Variants in TNFRSF25 observed in about 807,000 individuals in gnomAD.
TNFRSF25 encodes tumor necrosis factor receptor superfamily member 25.
Under a neutral mutation model 49.4 loss-of-function variants are expected in TNFRSF25, and 28 were observed. The observed-to-expected ratio is 0.57, with a 90% CI of 0.42 to 0.78. The LOEUF (loss-of-function observed/expected upper bound fraction) is 0.78. Among genes scored for constraint, TNFRSF25 ranks in the 30% least tolerant of loss-of-function variants. TNFRSF25 has a pLI of 0.00. For synonymous variants in TNFRSF25, 240 were observed against 234.2 expected, an observed-to-expected ratio of 1.02 and a Z score of -0.23; for missense variants, 531 against 581.6, an observed-to-expected ratio of 0.91 and a Z score of 0.90.
intron 4 of TNFRSF25, 42 bp from the exon 5 acceptor site, chr1:6,464,495 G>C (rs745742824): frequency 1.9e-6 from 3 of 1,612,410 alleles, no homozygotes; most frequent in Admixed American, 1.7e-5. Context: ...GGACAGGAGT[G>C]GGTCAGGCAG....
At chr1:6,464,267 C>T in intron 5 of TNFRSF25, 108 bp downstream of exon 5, 2 of 1,525,876 alleles carry the variant, frequency 1.3e-6, no homozygotes, top group Non-Finnish European at 1.8e-6. Flanking sequence ...AGGCTCCCTC[C>T]TCCCTATCCC....
chr1:6,465,349 C>T, intron 2 of TNFRSF25, 91 bp downstream of exon 2: 1 of 1,584,766 alleles, frequency 6.3e-7, no homozygotes, highest in Non-Finnish European at 8.6e-7. Flanking sequence ...ACCCCTACCT[C>T]CCCTGCCAGC....
chr1:6,464,228 T>C, intron 5 of TNFRSF25, 147 bp downstream of exon 5: 1 of 1,485,794 alleles, frequency 6.7e-7, no homozygotes, highest in Non-Finnish European at 9.0e-7. Context: ...TAAGTTTGCC[T>C]GAAGTGGGGC....
At position 6,462,537 on chromosome 1, in the gene TNFRSF25, G is replaced by A; in HGVS notation, c.744+92C>T. 1 of 1,559,998 alleles carries A rather than the reference G, an allele frequency of 6.4e-7. No individual in the cohort carries two copies. ...CACCTCTGTCCACTAGGGCTACCCG[G>A]TGCTGGCCGCGTGCCAAGCTCCAGG... On this transcript the variant is annotated intron_variant, in intron 8 of 9. Coordinates refer to ENST00000356876, the MANE Select transcript of TNFRSF25 (RefSeq NM_003790.3). The surrounding 1 kb of genome is among the most constrained non-coding windows in gnomAD (Gnocchi z 4.2).
At chr1:6,463,258 C>T (rs1027010586) in intron 5 of TNFRSF25, 131 bp from the exon 6 acceptor site, 24 of 859,886 alleles carry the variant, frequency 2.8e-5, no homozygotes, top group African/African-American at 1.0e-4. Context: ...CAAGAATGTT[C>T]CTGTCATTGT....
rs748441942 is a variant in TNFRSF25, at chr1:6,462,824, C to T, written c.706+39G>A. On this transcript the variant is annotated intron_variant, in intron 7 of 9. Coordinates refer to ENST00000356876, the MANE Select transcript of TNFRSF25 (RefSeq NM_003790.3). This position sits in a 1 kb window ranked among gnomAD's most constrained non-coding sequence, Gnocchi z 4.2. ...TAGACTCTGGGCTACCCATCCTGAC[C>T]CCAGGCTTCTGGGTGCGTGTGTGGG... The T allele has an allele frequency of 6.3e-7, 1 of 1,580,092 alleles. No homozygotes were observed. Among genetic ancestry groups the T allele is most frequent in the African/African-American group, 1.3e-5 (1 of 74,272 alleles).
chr1:6,461,267 C>T lies in TNFRSF25; in HGVS notation c.*167G>A. On this transcript the variant is annotated 3_prime_UTR_variant, in exon 10 of 10. Transcript: ENST00000356876. This position sits in a 1 kb window ranked among gnomAD's most constrained non-coding sequence, Gnocchi z 6.3. The stretch of plus-strand genomic sequence containing the variant: ...TCGACATTCGTTCGTGCTTCTTCGC[C>T]TTGGCTGGAGCGATAGGGGCGAGCA... 5 of 885,882 alleles carry T rather than the reference C, an allele frequency of 5.6e-6. No individual in the cohort carries two copies. The highest frequency in any genetic ancestry group is 4.3e-5 in the South Asian group (3 of 69,988). 54.9% of individuals were successfully genotyped at this position (885,882 alleles called of 1,614,324 possible). A position where few individuals can be genotyped will look rare whatever the true frequency, so the allele number is the denominator to read the frequency against.
chr1:6,464,516 G>A lies in TNFRSF25; in HGVS notation c.463+36C>T, dbSNP rs763837678. Reference sequence around the variant, plus strand: ...GAGTGGGTCAGGCAGGGAGAAGGGGGTCTGGGAGTAGAGAGCCCTGGGTGG... The same window carrying A: ...GAGTGGGTCAGGCAGGGAGAAGGGGATCTGGGAGTAGAGAGCCCTGGGTGG... On this transcript the variant is annotated intron_variant, in intron 4 of 9. Coordinates refer to ENST00000356876, the MANE Select transcript of TNFRSF25 (RefSeq NM_003790.3). 4.3e-6 allele frequency: 7 copies of A among 1,613,374 alleles called. No individual in the cohort carries two copies. In the Admixed American group the frequency reaches 5.0e-5, roughly 12 times the overall value.
At position 6,466,073 on chromosome 1, in the gene TNFRSF25, G is replaced by T. The variant is rs1474360454; in HGVS notation, c.35C>A (p.Ala12Glu). ...EQRPRGCAAV[A>E]AALLLVLLGA... Reference sequence around the variant, plus strand: ...GCCTCCTGCGTCTCAACTCACCGCCGCCACCGCCGCGCAGCCCCGCGGCCG... The same window carrying T: ...GCCTCCTGCGTCTCAACTCACCGCCTCCACCGCCGCGCAGCCCCGCGGCCG... The change falls in exon 1 of 10, where the codon GCG becomes GAG. Residue 12 changes from alanine to glutamate, a missense_variant. Coordinates refer to ENST00000356876, the MANE Select transcript of TNFRSF25 (RefSeq NM_003790.3). 1 of 1,577,768 alleles carries T rather than the reference G, an allele frequency of 6.3e-7. No individual in the cohort carries two copies. The highest frequency in any genetic ancestry group is 8.6e-7 in the Non-Finnish European group (1 of 1,164,576).
At position 6,463,138 on chromosome 1, in the gene TNFRSF25, C is replaced by T. The variant is rs760170903; in HGVS notation, c.543-11G>A. The T allele has an allele frequency of 1.4e-5, 22 of 1,550,686 alleles. No individual in the cohort carries two copies. The South Asian group carries it at 2.1e-4, about 15-fold the overall frequency. ...CTCCCCAGGGTGCTCCTGCAAGGGACGGGGGTGGCCTGAGGGATGAGGGGG... is the reference window on the plus strand; with the variant it reads ...CTCCCCAGGGTGCTCCTGCAAGGGATGGGGGTGGCCTGAGGGATGAGGGGG... On this transcript the variant is annotated splice_polypyrimidine_tract_variant and intron_variant, in intron 5 of 9. Transcript: ENST00000356876.
chr1:6,462,005 C>G lies in TNFRSF25; in HGVS notation c.914G>C (p.Ser305Thr), dbSNP rs1235579543. The G allele has an allele frequency of 1.2e-6, 2 of 1,608,932 alleles. No individual in the cohort carries two copies. Among genetic ancestry groups the G allele is most frequent in the Admixed American group, 3.4e-5 (2 of 58,928 alleles). Residue 305 changes from serine to threonine, a missense_variant, in exon 9 of 10, where the codon AGC becomes ACC. Coordinates refer to ENST00000356876, the MANE Select transcript of TNFRSF25 (RefSeq NM_003790.3). This position sits in a 1 kb window ranked among gnomAD's most constrained non-coding sequence, Gnocchi z 4.2. Reference protein sequence around the residue: ...QVTWSWDQLPSRALGPAAAPT... With the variant: ...QVTWSWDQLPTRALGPAAAPT... ...CTGATGTCCCTTACCAAGAGCTCTG[C>G]TGGGCAACTGGTCCCAGGACCATGT...
chr1:6,461,431 G>A lies in TNFRSF25; in HGVS notation c.*3C>T. The stretch of plus-strand genomic sequence containing the variant: ...AGCGCCTAGGTGGCAAGTGGGCGCC[G>A]TGTCACGGGCCGCGCTGCAGGCGGC... On this transcript the variant is annotated 3_prime_UTR_variant, in exon 10 of 10. Transcript: ENST00000356876. This position sits in a 1 kb window ranked among gnomAD's most constrained non-coding sequence, Gnocchi z 6.3. The A allele has an allele frequency of 1.3e-6, 2 of 1,498,488 alleles. No homozygotes were observed. Among genetic ancestry groups the A allele is most frequent in the Non-Finnish European group, 1.8e-6 (2 of 1,125,558 alleles). 92.8% of individuals were successfully genotyped at this position (1,498,488 alleles called of 1,614,324 possible). A position where few individuals can be genotyped will look rare whatever the true frequency, so the allele number is the denominator to read the frequency against.
In TNFRSF25 at chr1:6,463,050, G is replaced by T. The variant is rs373405553; in HGVS notation, c.598+22C>A. The T allele has an allele frequency of 4.3e-4, 665 of 1,552,110 alleles. 8 individuals are homozygous for T. In the South Asian group the frequency reaches 7.1e-3, roughly 17 times the overall value. ...TCGGTCCATCCCAGTTCTCCCACTCGCATTCCCAGCACACCACCTACTCTG... is the reference window on the plus strand; with the variant it reads ...TCGGTCCATCCCAGTTCTCCCACTCTCATTCCCAGCACACCACCTACTCTG... On this transcript the variant is annotated intron_variant, in intron 6 of 9. Transcript: ENST00000356876.
In TNFRSF25 at chr1:6,462,908, T is replaced by G; in HGVS notation, c.661A>C (p.Thr221Pro). ...GGCCAGCAGTGGCGGTATGTGTAGGTCAGGGTGGCCCCAAGCAGGAGGGGG... is the reference window on the plus strand; with the variant it reads ...GGCCAGCAGTGGCGGTATGTGTAGGGCAGGGTGGCCCCAAGCAGGAGGGGG... ...VVPLLLGATL[T>P]YTYRHCWPHK... Residue 221 changes from threonine to proline, a missense_variant, in exon 7 of 10, where the codon ACC becomes CCC. Coordinates refer to ENST00000356876, the MANE Select transcript of TNFRSF25 (RefSeq NM_003790.3). The surrounding 1 kb of genome is among the most constrained non-coding windows in gnomAD (Gnocchi z 4.2). 1 of 1,607,190 alleles carries G rather than the reference T, an allele frequency of 6.2e-7. No homozygotes were observed. The highest frequency in any genetic ancestry group is 1.1e-5 in the South Asian group (1 of 89,744).
chr1:6,464,457 C>A lies in TNFRSF25; in HGVS notation c.464-4G>T, dbSNP rs936356352. The A allele has an allele frequency of 1.2e-6, 2 of 1,611,438 alleles. No individual in the cohort carries two copies. The highest frequency in any genetic ancestry group is 1.7e-6 in the Non-Finnish European group (2 of 1,178,978). ...CAGTCAGTATCTCTGCGGGAACCTG[C>A]AATCCAGGAGAGGCATGCGTCACCA... is the stretch of plus-strand genomic sequence containing the variant. On this transcript the variant is annotated splice_region_variant and splice_polypyrimidine_tract_variant and intron_variant, in intron 4 of 9. Transcript: ENST00000356876.
chr1:6,462,120 T>C lies in TNFRSF25; in HGVS notation c.799A>G (p.Ser267Gly). The C allele has an allele frequency of 6.2e-7, 1 of 1,613,702 alleles. No homozygotes were observed. Among genetic ancestry groups the C allele is most frequent in the Non-Finnish European group, 8.5e-7 (1 of 1,179,892 alleles). The part of the protein sequence containing the change: ...SAHTLLAPPD[S>G]SEKICTVQLV... The stretch of plus-strand genomic sequence containing the variant: ...TGGACGGTGCAGATCTTCTCACTGC[T>C]GTCAGGAGGTGCTAGAAGGGTGTGG... The change falls in exon 9 of 10, where the codon AGC (serine) becomes GGC (glycine). Residue 267 changes from serine to glycine, a missense_variant. Ser to Gly is a moderately conservative substitution (Grantham distance 56). Transcript: ENST00000356876. The surrounding 1 kb of genome is among the most constrained non-coding windows in gnomAD (Gnocchi z 4.2).
intron 5 of TNFRSF25, chr1:6,463,815 C>T (rs1204760397): frequency 6.9e-6 from 1 of 144,666 alleles, no homozygotes; most frequent in Non-Finnish European, 1.5e-5. Context: ...TAGCTGCTAA[C>T]ATCCCATGTT....
chr1:6,462,913 G>A lies in TNFRSF25; in HGVS notation c.656C>T (p.Thr219Ile). ...GLVVPLLLGATLTYTYRHCWP... is the reference protein window; with the variant it reads ...GLVVPLLLGAILTYTYRHCWP... The stretch of plus-strand genomic sequence containing the variant: ...GCAGTGGCGGTATGTGTAGGTCAGG[G>A]TGGCCCCAAGCAGGAGGGGGACCAC... Residue 219 changes from threonine (T) to isoleucine (I), a missense_variant, in exon 7 of 10, where the codon ACC (threonine) becomes ATC (isoleucine). By Grantham distance (89) the Thr-to-Ile change is moderately conservative. Transcript: ENST00000356876. The surrounding 1 kb of genome is among the most constrained non-coding windows in gnomAD (Gnocchi z 4.2). 2 of 1,606,982 alleles carry A rather than the reference G, an allele frequency of 1.2e-6. No individual in the cohort carries two copies. The highest frequency in any genetic ancestry group is 1.7e-6 in the Non-Finnish European group (2 of 1,176,798).
intron 5 of TNFRSF25, 183 bp downstream of exon 5, chr1:6,464,192 C>A (rs140642935): frequency 1.4e-6 from 2 of 1,463,968 alleles, no homozygotes; most frequent in East Asian, 2.5e-5. Context: ...CTGGCTAAGG[C>A]GGATCCAGAT....
Sources: allele counts gnomAD v4.1 joint callset, GRCh38; gene constraint gnomAD v4.1.1; non-coding constraint Gnocchi (gnomAD v3.1); transcripts MANE v1.5; gene names NCBI Gene and HGNC (gene_info 2026-07-23, HGNC 2026-07-21).